Variants in HECW1 observed in about 807,000 individuals in gnomAD.
HECW1 encodes the protein HECT, C2 and WW domain containing E3 ubiquitin protein ligase 1.
HECW1 carries 61 observed loss-of-function variants against 182.3 expected under a neutral mutation model. That is an observed-to-expected ratio of 0.33 (90% CI 0.27 to 0.41). The LOEUF is 0.41. HECW1 is among the 10% of genes least tolerant of loss of function. The pLI, the probability that HECW1 is intolerant of heterozygous loss-of-function variation, is 1.00. For missense variants in HECW1, 1,739 were observed against 2,108.9 expected (o/e 0.82, Z 3.44); for synonymous variants, 859 against 832.6 (o/e 1.03, Z -0.55).
intron 8 of HECW1, among the ~76,000 whole-genome samples, chr7:43,415,955 T>C (rs1165377723): frequency 3.6e-5 from 5 of 139,122 alleles, no homozygotes; most frequent in Non-Finnish European, 7.7e-5. Context: ...AGTTTTCAAC[T>C]TCTTTGCCTT....
chr7:43,327,112 A>T (rs1448762555), intron 5 of HECW1, among the ~76,000 whole-genome samples: 1 of 152,232 alleles, frequency 6.6e-6, no homozygotes, highest in Non-Finnish European at 1.5e-5. Flanking sequence ...AGATGTCTCA[A>T]TCTGTGCTAC....
intron 5 of HECW1, among the ~76,000 whole-genome samples, chr7:43,323,437 T>C (rs1014619173): frequency 1.3e-5 from 2 of 151,528 alleles, no homozygotes; most frequent in Non-Finnish European, 2.9e-5. Flanking sequence ...CTGCAGAAAA[T>C]TAGTCACGTA....
intron 3 of HECW1, chr7:43,274,570 C>T (rs1802847371): frequency 5.1e-5 from 26 of 506,506 alleles, no homozygotes; most frequent in South Asian, 4.1e-4. Context: ...AGAGGCCCAA[C>T]ATCTTCTTTT....
chr7:43,359,876 A>G (rs907634904), intron 5 of HECW1, among the ~76,000 whole-genome samples: 5 of 152,200 alleles, frequency 3.3e-5, no homozygotes, highest in African/African-American at 1.2e-4. Flanking sequence ...TAAGAAAACA[A>G]ATCCTATAAA....
chr7:43,123,810 C>G (rs1785889318), intron 2 of HECW1, among the ~76,000 whole-genome samples: 1 of 152,168 alleles, frequency 6.6e-6, no homozygotes, highest in Non-Finnish European at 1.5e-5. Flanking sequence ...GGGCTGTGGG[C>G]TGGGAGTGGA....
At chr7:43,377,751 G>T in intron 6 of HECW1, 1 of 207,200 alleles carries the variant, frequency 4.8e-6, no homozygotes, top group Non-Finnish European at 9.9e-6. Context: ...GCCCTTATCT[G>T]TGTGCTCTCT....
chr7:43,562,103 T>C lies in HECW1; in HGVS notation c.*177T>C. On this transcript the variant is annotated 3_prime_UTR_variant, in exon 30 of 30. Coordinates refer to ENST00000395891, the MANE Select transcript of HECW1 (RefSeq NM_015052.5). The stretch of plus-strand genomic sequence containing the variant: ...CATGAAGAACTGCCTTCTTCTAAGA[T>C]CTAACCTTCAGGCTTCTCTCCTCTG... 1 of 578,862 alleles carries C rather than the reference T, an allele frequency of 1.7e-6. No homozygotes were observed. The highest frequency in any genetic ancestry group is 2.1e-5 in the South Asian group (1 of 48,526). The allele number at this position is 578,862 out of a possible 1,614,324, so 35.9% of individuals were successfully genotyped here.
chr7:43,348,693 G>C (rs977254137), intron 5 of HECW1, among the ~76,000 whole-genome samples: 1 of 152,030 alleles, frequency 6.6e-6, no homozygotes, highest in Non-Finnish European at 1.5e-5. Context: ...TATCCCAGAG[G>C]TTTTGATAGT....
At position 43,562,078 on chromosome 7, in the gene HECW1, C is replaced by T. The variant is rs2082223850; in HGVS notation, c.*152C>T. ...CAAATCAGGATTGACAAAAGCTGTG[C>T]ATGAAGAACTGCCTTCTTCTAAGAT... On this transcript the variant is annotated 3_prime_UTR_variant, in exon 30 of 30. Transcript: ENST00000395891. The T allele has an allele frequency of 1.7e-6, 1 of 602,644 alleles. No individual in the cohort carries two copies. The highest frequency in any genetic ancestry group is 3.0e-6 in the Non-Finnish European group (1 of 331,868). The allele number at this position is 602,644 out of a possible 1,614,324, so 37.3% of individuals were successfully genotyped here.
Position 43,444,956 on chromosome 7 carries a change from C to T in HECW1, c.1784C>T (p.Ser595Leu), listed in dbSNP as rs2077000038. Residue 595 changes from serine (S) to leucine (L), a missense_variant, in exon 11 of 30, where the codon TCG becomes TTG. Transcript: ENST00000395891. This position sits in a 1 kb window ranked among gnomAD's most constrained non-coding sequence, Gnocchi z 4.3. Reference protein sequence around the residue: ...AEEESTLKDSSEKDGLSEVDT... With the variant: ...AEEESTLKDSLEKDGLSEVDT... ...GAGGAGTCCACCCTCAAGGACTCCT[C>T]GGAGAAGGATGGGCTCAGCGAGGTG... The T allele has an allele frequency of 3.8e-6, 6 of 1,574,758 alleles. No individual in the cohort carries two copies. In the East Asian group the frequency reaches 6.7e-5, roughly 18 times the overall value.
intron 6 of HECW1, among the ~76,000 whole-genome samples, chr7:43,370,659 T>C (rs1350497178): frequency 2.6e-5 from 4 of 152,084 alleles, no homozygotes; most frequent in African/African-American, 9.7e-5. Flanking sequence ...CAATGGAATA[T>C]TATTCAGTAC....
intron 6 of HECW1, among the ~76,000 whole-genome samples, chr7:43,391,922 A>C (rs2075044432): frequency 6.6e-6 from 1 of 152,084 alleles, no homozygotes; most frequent in Admixed American, 6.6e-5. Flanking sequence ...GGTGGCTTTG[A>C]GGCCTATCTG....
chr7:43,436,482 T>C (rs1584902418), intron 8 of HECW1, among the ~76,000 whole-genome samples: 2 of 151,898 alleles, frequency 1.3e-5, no homozygotes, highest in African/African-American at 4.8e-5. Flanking sequence ...AAGGGAGATA[T>C]GGGTGGGGCT....
chr7:43,373,259 G>T (rs2074190429), intron 6 of HECW1, among the ~76,000 whole-genome samples: 2 of 148,948 alleles, frequency 1.3e-5, no homozygotes, highest in South Asian at 4.3e-4. Flanking sequence ...GCTCAGGCTG[G>T]AGTGCAGTGG....
At chr7:43,416,585 T>C (rs2076006473) in intron 8 of HECW1, among the ~76,000 whole-genome samples, 1 of 151,780 alleles carries the variant, frequency 6.6e-6, no homozygotes, top group Non-Finnish European at 1.5e-5. Context: ...CTGCTTTGTT[T>C]ACCTAAGCAA....
chr7:43,536,919 C>T (rs1482429089), intron 24 of HECW1, among the ~76,000 whole-genome samples: 1 of 152,232 alleles, frequency 6.6e-6, no homozygotes, highest in East Asian at 1.9e-4. Flanking sequence ...GGAAAAAGCA[C>T]AGATGCGGGG....
At chr7:43,383,997 G>A (rs1377064157) in intron 6 of HECW1, among the ~76,000 whole-genome samples, 4 of 152,190 alleles carry the variant, frequency 2.6e-5, no homozygotes, top group Non-Finnish European at 5.9e-5. Flanking sequence ...TCATTACATT[G>A]AGTAGACTGA....
At chr7:43,178,648 G>A (rs530420853) in intron 2 of HECW1, among the ~76,000 whole-genome samples, 6 of 152,264 alleles carry the variant, frequency 3.9e-5, no homozygotes, top group Non-Finnish European at 7.4e-5. Context: ...CTTGTCTTGC[G>A]TTCTCTCACA....
At chr7:43,343,634 T>TA (rs1813306411) in intron 5 of HECW1, among the ~76,000 whole-genome samples, 1 of 151,832 alleles carries the variant, frequency 6.6e-6, no homozygotes, top group Non-Finnish European at 1.5e-5. Flanking sequence ...CCATGGTGTA[T>TA]ATGTGCCACA....
Sources: gnomAD v4.1 joint callset for allele counts (sites outside exome capture counted in the v4.1 genomes callset) on GRCh38, gnomAD v4.1.1 for gene constraint, Gnocchi (gnomAD v3.1) non-coding constraint, MANE v1.5 for transcripts, NCBI Gene and HGNC (gene_info 2026-07-23, HGNC 2026-07-21) for gene names.